Variants in EARS2 observed in about 807,000 individuals in gnomAD.
The protein encoded by EARS2 is glutamyl-tRNA synthetase 2, mitochondrial, also known as nondiscriminating glutamyl-tRNA synthetase EARS2, mitochondrial.
In EARS2, 50 loss-of-function variants were observed where a neutral mutation model predicts 54.1. The observed-to-expected ratio is 0.92, with a 90% CI of 0.74 to 1.17. The LOEUF is 1.17. Ranked by LOEUF, EARS2 falls within the 50% of genes most tolerant of loss-of-function variation. The pLI, the probability that EARS2 is intolerant of heterozygous loss-of-function variation, is 0.00. For synonymous variants in EARS2, 298 were observed against 281.0 expected (o/e 1.06, Z -0.61); for missense variants, 673 against 675.0 (o/e 1.00, Z 0.03).
intron 4 of EARS2, among the ~76,000 whole-genome samples, chr16:23,534,109 G>A (rs533199284): frequency 6.6e-6 from 1 of 152,076 alleles, no homozygotes; most frequent in South Asian, 2.1e-4. Context: ...CTTGTGAGCA[G>A]CAGCTCAGTC....
At chr16:23,541,002 T>C (rs1388469738) in intron 3 of EARS2, among the ~76,000 whole-genome samples, 1 of 141,962 alleles carries the variant, frequency 7.0e-6, no homozygotes, top group Non-Finnish European at 1.5e-5. Flanking sequence ...AAAAAATAAA[T>C]AAATAAATAA....
intron 2 of EARS2, among the ~76,000 whole-genome samples, chr16:23,545,790 A>G (rs1965594124): frequency 6.6e-6 from 1 of 152,110 alleles, no homozygotes. Flanking sequence ...CAACCTCCCG[A>G]GTAGCTAGAA....
chr16:23,548,209 G>T (rs1294322079), intron 2 of EARS2, among the ~76,000 whole-genome samples: 1 of 151,104 alleles, frequency 6.6e-6, no homozygotes, highest in Non-Finnish European at 1.5e-5. Flanking sequence ...ACTCCAGCCT[G>T]GGCGACAGAG....
At chr16:23,552,106 C>G in intron 2 of EARS2, 43 bp downstream of exon 2, 1 of 1,599,562 alleles carries the variant, frequency 6.3e-7, no homozygotes, top group African/African-American at 1.3e-5. Flanking sequence ...TTCCTGCTTC[C>G]TGTTCCTTCC....
Position 23,521,933 on chromosome 16 carries a change from C to T in EARS2, c.*2438G>A, listed in dbSNP as rs1002304235. The T allele has an allele frequency of 7.3e-6, 3 of 410,090 alleles. No homozygotes were observed. The highest frequency in any genetic ancestry group is 6.2e-5 in the African/African-American group (3 of 48,128). The allele number at this position is 410,090 out of a possible 1,614,324, so 25.4% of individuals were successfully genotyped here. On this transcript the variant is annotated 3_prime_UTR_variant, in exon 9 of 9. Coordinates refer to ENST00000449606, the MANE Select transcript of EARS2 (RefSeq NM_001083614.2). ...GTTTAAATCTTGGTTTTGCCTCGTA[C>T]TATAACCTCGGAAGTTTTAGTTAAC...
intron 7 of EARS2, among the ~76,000 whole-genome samples, chr16:23,527,707 C>T (rs1965254081): frequency 6.6e-6 from 1 of 152,166 alleles, no homozygotes; most frequent in Admixed American, 6.5e-5. Flanking sequence ...GCGCCCACCA[C>T]CACACCCGGC....
At chr16:23,532,358 C>T (rs980468415) in intron 5 of EARS2, among the ~76,000 whole-genome samples, 9 of 152,104 alleles carry the variant, frequency 5.9e-5, no homozygotes, top group African/African-American at 2.2e-4. Flanking sequence ...TGGCTAGGAA[C>T]ATAATGTTAA....
chr16:23,522,231 A>G lies in EARS2; in HGVS notation c.*2140T>C, dbSNP rs1300360142. ...TTGAGAACAACTTTTCCTCCATTGC[A>G]TATAATCCCTGTGAAACTACCTATT... is the stretch of plus-strand genomic sequence containing the variant. On this transcript the variant is annotated 3_prime_UTR_variant, in exon 9 of 9. Transcript: ENST00000449606. 1 of 191,338 alleles carries G rather than the reference A, an allele frequency of 5.2e-6. No homozygotes were observed. Among genetic ancestry groups the G allele is most frequent in the African/African-American group, 2.3e-5 (1 of 42,914 alleles). 11.9% of individuals were successfully genotyped at this position (191,338 alleles called of 1,614,324 possible).
At position 23,535,238 on chromosome 16, in the gene EARS2, T is replaced by C. The variant is rs1965396971; in HGVS notation, c.608A>G (p.Tyr203Cys). 1 of 1,613,286 alleles carries C rather than the reference T, an allele frequency of 6.2e-7. No individual in the cohort carries two copies. Among genetic ancestry groups the C allele is most frequent in the Non-Finnish European group, 8.5e-7 (1 of 1,180,034 alleles). The change falls in exon 4 of 9, where the codon TAT becomes TGT. Residue 203 changes from tyrosine (Y) to cysteine (C), a missense_variant. By Grantham distance (194) the Tyr-to-Cys change is radical. Coordinates refer to ENST00000449606, the MANE Select transcript of EARS2 (RefSeq NM_001083614.2). ...QVVPAFQDLV[Y>C]GWNRHEVASV... The stretch of plus-strand genomic sequence containing the variant: ...GGCCACTTCATGCCTATTCCAGCCA[T>C]AGACCAGGTCCTGGAAGGCTGGCAC...
chr16:23,544,646 G>A lies in EARS2; in HGVS notation c.353C>T (p.Ser118Phe). Residue 118 changes from serine to phenylalanine, a missense_variant, in exon 3 of 9, where the codon TCT becomes TTT. Coordinates refer to ENST00000449606, the MANE Select transcript of EARS2 (RefSeq NM_001083614.2). The stretch of plus-strand genomic sequence containing the variant: ...CTGGGCATACAGCTCCAACCGCTGA[G>A]ATTGCTGGTAGGGCCCAGCAGGACC... ...RGGPAGPYQQSQRLELYAQAT... is the reference protein window; with the variant it reads ...RGGPAGPYQQFQRLELYAQAT... 6.2e-7 allele frequency: 1 copy of A among 1,611,756 alleles called. No homozygotes were observed. The highest frequency in any genetic ancestry group is 8.5e-7 in the Non-Finnish European group (1 of 1,179,394).
chr16:23,532,312 C>T (rs960976259), intron 5 of EARS2, among the ~76,000 whole-genome samples: 2 of 152,250 alleles, frequency 1.3e-5, no homozygotes, highest in African/African-American at 4.8e-5. Context: ...ATACACCTCT[C>T]CAGGCTTTGG....
intron 3 of EARS2, among the ~76,000 whole-genome samples, chr16:23,537,770 C>CTTTCT (rs910249919): frequency 2.0e-5 from 3 of 149,418 alleles, no homozygotes; most frequent in South Asian, 2.1e-4. Flanking sequence ...GACAGGGTTT[C>CTTTCT]TTTCTTTTCT....
chr16:23,556,575 A>G (rs2234420), intron 1 of EARS2, among the ~76,000 whole-genome samples: 2,235 of 152,258 alleles, frequency 0.015, 23 homozygotes, highest in South Asian at 0.02. Flanking sequence ...ACGGCTCTCA[A>G]GTGATCCACT....
In EARS2 at chr16:23,535,132, G is replaced by A. The variant is rs1778379255; in HGVS notation, c.714C>T (p.His238=). The A allele has an allele frequency of 6.2e-7, 1 of 1,612,914 alleles. No individual in the cohort carries two copies. Among genetic ancestry groups the A allele is most frequent in the African/African-American group, 1.3e-5 (1 of 75,032 alleles). Residue 238 remains histidine (H), a synonymous_variant, in exon 4 of 9, where the codon CAC becomes CAT. Coordinates refer to ENST00000449606, the MANE Select transcript of EARS2 (RefSeq NM_001083614.2). ...CTCGCAGCACGTGGCTGATGCCCATGTGGTGGTCGTCCACCACGCAGGCCA... is the reference window on the plus strand; with the variant it reads ...CTCGCAGCACGTGGCTGATGCCCATATGGTGGTCGTCCACCACGCAGGCCA... ...YHLACVVDDH[H]MGISHVLRGS... is the part of the protein sequence containing the mutation.
At chr16:23,553,092 C>T (rs1965722510) in intron 1 of EARS2, 1 of 367,990 alleles carries the variant, frequency 2.7e-6, no homozygotes, top group South Asian at 1.9e-5. Context: ...CACGCCTCTG[C>T]ACTCCAGCCT....
chr16:23,557,244 C>T lies in EARS2; in HGVS notation c.100G>A (p.Gly34Arg), dbSNP rs372762172. ...RREANLGTDA[G>R]VAVRVRFAPS... ...GCGAACCGCACTCGCACCGCAACCCCGGCATCAGTGCCCAGGTTGGCCTCG... is the reference window on the plus strand; with the variant it reads ...GCGAACCGCACTCGCACCGCAACCCTGGCATCAGTGCCCAGGTTGGCCTCG... The change falls in exon 1 of 9, where the codon GGG becomes AGG. Residue 34 changes from glycine to arginine, a missense_variant. Transcript: ENST00000449606. The T allele has an allele frequency of 1.6e-5, 25 of 1,520,530 alleles. No individual in the cohort carries two copies. Among genetic ancestry groups the T allele is most frequent in the Admixed American group, 6.6e-5 (3 of 45,354 alleles). 94.2% of individuals were successfully genotyped at this position (1,520,530 alleles called of 1,614,324 possible).
At chr16:23,556,305 A>G (rs1965782829) in intron 1 of EARS2, among the ~76,000 whole-genome samples, 1 of 152,190 alleles carries the variant, frequency 6.6e-6, no homozygotes, top group Non-Finnish European at 1.5e-5. Context: ...AGCTCCCAAC[A>G]GCACTAGCAC....
chr16:23,554,660 G>A (rs1965748016), intron 1 of EARS2, among the ~76,000 whole-genome samples: 1 of 152,268 alleles, frequency 6.6e-6, no homozygotes, highest in Admixed American at 6.5e-5. Context: ...GAAAACCAGT[G>A]GTATTCAGTG....
At chr16:23,555,016 T>G (rs2142199204) in intron 1 of EARS2, among the ~76,000 whole-genome samples, 1 of 152,290 alleles carries the variant, frequency 6.6e-6, no homozygotes, top group East Asian at 1.9e-4. Context: ...TCCCCGCAAA[T>G]GAGCAAGGAA....
Sources: gnomAD v4.1 joint callset for allele counts (sites outside exome capture counted in the v4.1 genomes callset) on GRCh38, gnomAD v4.1.1 for gene constraint, MANE v1.5 for transcripts, NCBI Gene and HGNC (gene_info 2026-07-23, HGNC 2026-07-21) for gene names.